Variants in CADM1 observed in about 807,000 individuals in gnomAD.
CADM1 encodes TSLC-1.
In CADM1, 15 loss-of-function variants were observed where a neutral mutation model predicts 53.1. That is an observed-to-expected ratio of 0.28 (90% CI 0.19 to 0.44). CADM1 has a LOEUF of 0.44. Among genes scored for constraint, CADM1 ranks in the 20% least tolerant of loss-of-function variants. The probability of loss-of-function intolerance (pLI) is 1.00; values close to 1 mark genes in which losing one functional copy is unlikely to be tolerated. For synonymous variants in CADM1, 281 were observed against 243.0 expected, an observed-to-expected ratio of 1.16 and a Z score of -1.45; for missense variants, 434 against 611.3, an observed-to-expected ratio of 0.71 and a Z score of 3.06.
At chr11:115,390,678 A>AC (rs1346269809) in intron 1 of CADM1, among the ~76,000 whole-genome samples, 2 of 151,876 alleles carry the variant, frequency 1.3e-5, no homozygotes, top group Non-Finnish European at 2.9e-5. Flanking sequence ...CTTAAAAAAA[A>AC]AAAAAAAAAG....
At chr11:115,378,550 A>G (rs1946496362) in intron 1 of CADM1, among the ~76,000 whole-genome samples, 1 of 152,178 alleles carries the variant, frequency 6.6e-6, no homozygotes, top group African/African-American at 2.4e-5. Flanking sequence ...ATACAGTAAG[A>G]AAGGAAACTA....
At chr11:115,455,760 T>C (rs558170172) in intron 1 of CADM1, among the ~76,000 whole-genome samples, 46 of 152,338 alleles carry the variant, frequency 3.0e-4, no homozygotes, top group African/African-American at 1.1e-3. Flanking sequence ...ATTTGCTATG[T>C]GGCCAACATG....
chr11:115,352,326 T>A (rs997353402), intron 1 of CADM1, among the ~76,000 whole-genome samples: 46 of 152,206 alleles, frequency 3.0e-4, no homozygotes, highest in Non-Finnish European at 4.4e-5. Flanking sequence ...TAAGTCCCCA[T>A]CTGATGCAGA....
intron 1 of CADM1, among the ~76,000 whole-genome samples, chr11:115,358,681 A>C (rs76741528): frequency 2.0e-5 from 3 of 152,190 alleles, no homozygotes; most frequent in Non-Finnish European, 4.4e-5. Context: ...TTTGAGATTA[A>C]TGTATGTCAC....
chr11:115,289,847 G>A (rs1051573981), intron 1 of CADM1, among the ~76,000 whole-genome samples: 8 of 151,982 alleles, frequency 5.3e-5, no homozygotes, highest in African/African-American at 1.4e-4. Context: ...CGCCCGCCTC[G>A]GCCTCCCAAA....
At chr11:115,187,173 C>CA (rs1237196476) in intron 10 of CADM1, among the ~76,000 whole-genome samples, 4 of 152,020 alleles carry the variant, frequency 2.6e-5, no homozygotes, top group Admixed American at 2.6e-4. Context: ...GTTTTATTAT[C>CA]ATTATTGTTG....
In CADM1 at chr11:115,196,595, TAAAAAAAA is replaced by T. The variant is rs61694033; in HGVS notation, c.1111+1803_1111+1810del. Among the ~76,000 whole-genome samples, 28 of 76,892 alleles carry T rather than the reference TAAAAAAAA, an allele frequency of 3.6e-4. 1 individual carries two copies. In the South Asian group the frequency reaches 9.0e-3, roughly 25 times the overall value. The allele number at this position is 76,892 out of a possible 152,430, so 50.4% of individuals were successfully genotyped here. A position where few individuals can be genotyped will look rare whatever the true frequency, so the allele number is the denominator to read the frequency against. On this transcript the variant is annotated intron_variant, in intron 9 of 11. Transcript: ENST00000331581. ...ACACTAACAATGATAGCTGATGAACTAAAAAAAAAAAAAAAAAAAAAAAAATCACAAAA... is the reference window on the plus strand; with the variant it reads ...ACACTAACAATGATAGCTGATGAACTAAAAAAAAAAAAAAAAATCACAAAA...
intron 1 of CADM1, among the ~76,000 whole-genome samples, chr11:115,327,205 T>C (rs1183068605): frequency 6.6e-6 from 1 of 152,090 alleles, no homozygotes; most frequent in Non-Finnish European, 1.5e-5. Flanking sequence ...ACATAAGCAG[T>C]GTTGTTACTT....
At chr11:115,420,008 CAT>C (rs1481253670) in intron 1 of CADM1, among the ~76,000 whole-genome samples, 1 of 152,168 alleles carries the variant, frequency 6.6e-6, no homozygotes, top group Non-Finnish European at 1.5e-5. Context: ...ACTTGAGACA[CAT>C]GTGAGATTAT....
In CADM1 at chr11:115,172,892, G is replaced by A. The variant is rs1303418504; in HGVS notation, c.*3582C>T. 6.6e-6 allele frequency: 1 copy of A among 152,084 alleles called. No individual in the cohort carries two copies. The highest frequency in any genetic ancestry group is 1.5e-5 in the Non-Finnish European group (1 of 68,046). The allele number at this position is 152,084 out of a possible 1,614,324, so 9.4% of individuals were successfully genotyped here. ...ATGACGTGGCCAAGGGAGAAAAGGGGAACTCATCAACCACAGCTGAGGGGA... is the reference window on the plus strand; with the variant it reads ...ATGACGTGGCCAAGGGAGAAAAGGGAAACTCATCAACCACAGCTGAGGGGA... On this transcript the variant is annotated 3_prime_UTR_variant, in exon 12 of 12. Transcript: ENST00000331581.
At chr11:115,440,830 G>A (rs560331701) in intron 1 of CADM1, among the ~76,000 whole-genome samples, 18 of 152,088 alleles carry the variant, frequency 1.2e-4, no homozygotes, top group African/African-American at 2.2e-4. Context: ...CCACGCTAGC[G>A]TACACTGGCA....
rs754447706 is a variant in CADM1, at chr11:115,175,587, G to C, written c.*887C>G. Reference sequence around the variant, plus strand: ...TTTGTCCACTTATATAAAAGGAACAGACCTCACCTGTCAGGTCTGTTTAGG... The same window carrying C: ...TTTGTCCACTTATATAAAAGGAACACACCTCACCTGTCAGGTCTGTTTAGG... On this transcript the variant is annotated 3_prime_UTR_variant, in exon 12 of 12. Transcript: ENST00000331581. The C allele has an allele frequency of 6.8e-4, 667 of 985,348 alleles. No homozygotes were observed. Among genetic ancestry groups the C allele is most frequent in the Non-Finnish European group, 7.8e-4 (646 of 830,022 alleles). 61.0% of individuals were successfully genotyped at this position (985,348 alleles called of 1,614,324 possible).
intron 1 of CADM1, among the ~76,000 whole-genome samples, chr11:115,259,097 T>C (rs1361061299): frequency 6.6e-6 from 1 of 152,144 alleles, no homozygotes; most frequent in African/African-American, 2.4e-5. Flanking sequence ...GCGATTCTCC[T>C]ACCTCAGCCT....
At chr11:115,276,429 A>C (rs1591663351) in intron 1 of CADM1, among the ~76,000 whole-genome samples, 1 of 152,242 alleles carries the variant, frequency 6.6e-6, no homozygotes, top group African/African-American at 2.4e-5. Context: ...TGCCACTCAC[A>C]AATCTCTTTG....
intron 8 of CADM1, among the ~76,000 whole-genome samples, chr11:115,202,954 C>A (rs1940504089): frequency 1.3e-5 from 2 of 151,758 alleles, no homozygotes; most frequent in Non-Finnish European, 1.5e-5. Context: ...GGTTTCCTGG[C>A]TAATTTTCTT....
chr11:115,304,108 A>T (rs1372747119), intron 1 of CADM1, among the ~76,000 whole-genome samples: 1 of 152,096 alleles, frequency 6.6e-6, no homozygotes. Context: ...TAAATGCTGC[A>T]TGTGCTTTAT....
chr11:115,448,687 G>A (rs531834049), intron 1 of CADM1, among the ~76,000 whole-genome samples: 240 of 151,826 alleles, frequency 1.6e-3, no homozygotes, highest in Non-Finnish European at 2.5e-3. Context: ...GGGGTGGAGC[G>A]CCACTCCCAA....
At chr11:115,450,440 C>T (rs1948546480) in intron 1 of CADM1, among the ~76,000 whole-genome samples, 1 of 152,188 alleles carries the variant, frequency 6.6e-6, no homozygotes, top group Non-Finnish European at 1.5e-5. Flanking sequence ...AGGAAACCTG[C>T]TAAATGCATC....
intron 10 of CADM1, among the ~76,000 whole-genome samples, chr11:115,181,518 A>G (rs1309109734): frequency 1.3e-5 from 2 of 152,182 alleles, no homozygotes; most frequent in African/African-American, 4.8e-5. Context: ...AATCACCAAG[A>G]CATTTCTCCT....
Sources: gnomAD v4.1 joint callset for allele counts (sites outside exome capture counted in the v4.1 genomes callset) on GRCh38, gnomAD v4.1.1 for gene constraint, MANE v1.5 for transcripts, NCBI Gene and HGNC (gene_info 2026-07-23, HGNC 2026-07-21) for gene names.